The following SLC35E2B variants were observed in gnomAD, a reference collection of about 807,000 sequenced individuals.
SLC35E2B encodes the protein solute carrier family 35 member E2B, also known as solute carrier family 35, member E2B.
SLC35E2B carries 18 observed loss-of-function variants against 32.4 expected under a neutral mutation model. The observed-to-expected ratio is 0.56, with a 90% CI of 0.38 to 0.82. The LOEUF (loss-of-function observed/expected upper bound fraction) is 0.82, where lower values mean the gene tolerates loss of function less well. Among genes scored for constraint, SLC35E2B ranks in the 40% least tolerant of loss-of-function variants. The probability of loss-of-function intolerance (pLI) is 0.00; values close to 1 mark genes in which losing one functional copy is unlikely to be tolerated. For missense variants in SLC35E2B, 263 were observed against 469.5 expected (o/e 0.56, Z 4.06); for synonymous variants, 132 against 209.1 (o/e 0.63, Z 3.18).
At chr1:1,679,584 T>C (rs766911456) in intron 2 of SLC35E2B, among the ~76,000 whole-genome samples, 1 of 151,980 alleles carries the variant, frequency 6.6e-6, no homozygotes, top group Non-Finnish European at 1.5e-5. Context: ...CCCAGCACTT[T>C]GGGAGGCCAA....
At chr1:1,672,629 T>C (rs938261949) in intron 5 of SLC35E2B, 4 of 152,214 alleles carry the variant, frequency 2.6e-5, no homozygotes, top group Admixed American at 6.5e-5. Flanking sequence ...TGGGGTGCCA[T>C]AGACGCCTAT....
chr1:1,674,633 C>CAA (rs372723226), intron 5 of SLC35E2B, among the ~76,000 whole-genome samples: 5,351 of 126,572 alleles, frequency 0.042, 148 homozygotes, highest in Non-Finnish European at 0.06. Context: ...ATAAAAAAAA[C>CAA]AAAAAAAAAA....
chr1:1,671,699 T>C, intron 5 of SLC35E2B, 70 bp from the exon 6 acceptor site: 1 of 1,387,174 alleles, frequency 7.2e-7, no homozygotes, highest in Non-Finnish European at 9.5e-7. Context: ...GGCCAGGCTG[T>C]TTCCATCCCC....
At chr1:1,686,205 T>C (rs1643947907) in intron 2 of SLC35E2B, among the ~76,000 whole-genome samples, 1 of 152,040 alleles carries the variant, frequency 6.6e-6, no homozygotes, top group Admixed American at 6.5e-5. Context: ...GTTTTCACCA[T>C]GTTGGCCAGG....
Position 1,691,122 on chromosome 1 carries a change from CTG to C in SLC35E2B, c.-296_-295del, listed in dbSNP as rs1265701342. 1.9e-4 allele frequency: 16 copies of C among 83,362 alleles called. No individual in the cohort carries two copies. The highest frequency in any genetic ancestry group is 8.1e-4 in the African/African-American group (16 of 19,718). The allele number at this position is 83,362 out of a possible 1,614,324, so 5.2% of individuals were successfully genotyped here. On this transcript the variant is annotated 5_prime_UTR_variant, in exon 2 of 10. An upstream open reading frame in the 5' UTR loses its in-frame stop. Transcript: ENST00000617444. ...GCTGTGACCTCATCCGAAGGCTCAA[CTG>C]GGGCTGAGGCCCACCTCTGAGCTCA...
At chr1:1,688,663 G>A (rs887251015) in intron 2 of SLC35E2B, among the ~76,000 whole-genome samples, 3 of 151,308 alleles carry the variant, frequency 2.0e-5, no homozygotes, top group Admixed American at 6.6e-5. Context: ...GCCCTATGAG[G>A]CACATGTCAA....
At chr1:1,689,675 T>C (rs1184799548) in intron 2 of SLC35E2B, among the ~76,000 whole-genome samples, 3 of 151,428 alleles carry the variant, frequency 2.0e-5, no homozygotes, top group Non-Finnish European at 4.4e-5. Flanking sequence ...AAATGAAGAA[T>C]TCTGTTTCAC....
At chr1:1,690,027 A>T (rs1644000099) in intron 2 of SLC35E2B, among the ~76,000 whole-genome samples, 1 of 150,382 alleles carries the variant, frequency 6.6e-6, no homozygotes, top group South Asian at 2.1e-4. Context: ...CACGCCTGTA[A>T]TCCCAGCACT....
Position 1,665,650 on chromosome 1 carries a change from G to C in SLC35E2B, c.*132C>G, listed in dbSNP as rs533338391. 1.4e-6 allele frequency: 2 copies of C among 1,385,662 alleles called. No homozygotes were observed. Among genetic ancestry groups the C allele is most frequent in the African/African-American group, 2.9e-5 (2 of 68,602 alleles). The allele number at this position is 1,385,662 out of a possible 1,614,324, so 85.8% of individuals were successfully genotyped here. On this transcript the variant is annotated 3_prime_UTR_variant, in exon 10 of 10. Coordinates refer to ENST00000617444, the MANE Select transcript of SLC35E2B (RefSeq NM_001290264.2). ...CTGCTGGTCTTCACCGACAAACCGA[G>C]AAAGCCGCAGGCAATGGCCAACTTA...
At chr1:1,667,149 G>A (rs1458365288) in intron 9 of SLC35E2B, among the ~76,000 whole-genome samples, 1 of 110,896 alleles carries the variant, frequency 9.0e-6, no homozygotes, top group Non-Finnish European at 1.8e-5. Context: ...GCTCACGCCT[G>A]TAATCCCAGC....
At chr1:1,679,579 C>T (rs1643882069) in intron 2 of SLC35E2B, among the ~76,000 whole-genome samples, 1 of 152,078 alleles carries the variant, frequency 6.6e-6, no homozygotes, top group African/African-American at 2.4e-5. Context: ...GGAATCCCAG[C>T]ACTTTGGGAG....
At chr1:1,669,918 G>C in intron 7 of SLC35E2B, 180 bp downstream of exon 7, 1 of 851,048 alleles carries the variant, frequency 1.2e-6, no homozygotes, top group Non-Finnish European at 1.9e-6. Flanking sequence ...CTGGCTGAGG[G>C]GCTCAAGGGA....
chr1:1,662,939 A>C lies in SLC35E2B; in HGVS notation c.*2843T>G. On this transcript the variant is annotated 3_prime_UTR_variant, in exon 10 of 10. Coordinates refer to ENST00000617444, the MANE Select transcript of SLC35E2B (RefSeq NM_001290264.2). ...GTATTACACAAAGTTATTTTAAAAAATGTCTGTACAATCGTTAACACGGCC... is the reference window on the plus strand; with the variant it reads ...GTATTACACAAAGTTATTTTAAAAACTGTCTGTACAATCGTTAACACGGCC... 2.2e-6 allele frequency: 2 copies of C among 890,216 alleles called. No individual in the cohort carries two copies. The highest frequency in any genetic ancestry group is 1.8e-5 in the African/African-American group (1 of 56,896). 55.1% of individuals were successfully genotyped at this position (890,216 alleles called of 1,614,324 possible). A position where few individuals can be genotyped will look rare whatever the true frequency, so the allele number is the denominator to read the frequency against.
At chr1:1,673,452 G>A (rs550185426) in intron 5 of SLC35E2B, 3 of 286,504 alleles carry the variant, frequency 1.0e-5, no homozygotes, top group Admixed American at 4.2e-5. Flanking sequence ...GGCAGATCAC[G>A]AGGTCAGGAG....
At position 1,665,581 on chromosome 1, in the gene SLC35E2B, C is replaced by G. The variant is rs72634820; in HGVS notation, c.*201G>C. 178,963 of 784,888 alleles carry G rather than the reference C, an allele frequency of 0.23. 22,756 individuals are homozygous for G. Among genetic ancestry groups the G allele is most frequent in the Non-Finnish European group, 0.27 (134,489 of 505,708 alleles). 48.6% of individuals were successfully genotyped at this position (784,888 alleles called of 1,614,324 possible). A position where few individuals can be genotyped will look rare whatever the true frequency, so the allele number is the denominator to read the frequency against. On this transcript the variant is annotated 3_prime_UTR_variant, in exon 10 of 10. Coordinates refer to ENST00000617444, the MANE Select transcript of SLC35E2B (RefSeq NM_001290264.2). Reference sequence around the variant, plus strand: ...GGACACAGTCAGCTACTGGTCTGGTCTCTACTCCAGGAAGCTGATACCTGG... The same window carrying G: ...GGACACAGTCAGCTACTGGTCTGGTGTCTACTCCAGGAAGCTGATACCTGG...
Position 1,665,297 on chromosome 1 carries a change from C to T in SLC35E2B, c.*485G>A, listed in dbSNP as rs1258878677. ...AGCAGGAGACCCTTCCTTCCAGGGCCCTCTGTCCCCTCCCTTCGGCCCTGC... is the reference window on the plus strand; with the variant it reads ...AGCAGGAGACCCTTCCTTCCAGGGCTCTCTGTCCCCTCCCTTCGGCCCTGC... On this transcript the variant is annotated 3_prime_UTR_variant, in exon 10 of 10. Transcript: ENST00000617444. 2 of 318,992 alleles carry T rather than the reference C, an allele frequency of 6.3e-6. No individual in the cohort carries two copies. Among genetic ancestry groups the T allele is most frequent in the Non-Finnish European group, 1.1e-5 (2 of 175,394 alleles). The allele number at this position is 318,992 out of a possible 1,614,324, so 19.8% of individuals were successfully genotyped here. A position where few individuals can be genotyped will look rare whatever the true frequency, so the allele number is the denominator to read the frequency against.
rs769010476 is a variant in SLC35E2B at position 1,665,750 on chromosome 1, C to T, written c.*32G>A. ...CCCATTTCTGGGGGATGCAGTGTCA[C>T]GAGGACAGCAGCAGCTGGCAGCTTC... On this transcript the variant is annotated 3_prime_UTR_variant, in exon 10 of 10. Coordinates refer to ENST00000617444, the MANE Select transcript of SLC35E2B (RefSeq NM_001290264.2). The T allele has an allele frequency of 2.7e-5, 41 of 1,545,652 alleles. No homozygotes were observed. The highest frequency in any genetic ancestry group is 7.9e-5 in the Admixed American group (4 of 50,886).
chr1:1,674,702 G>A (rs1433695077), intron 5 of SLC35E2B, among the ~76,000 whole-genome samples: 5 of 127,964 alleles, frequency 3.9e-5, no homozygotes, highest in Non-Finnish European at 9.6e-5. Flanking sequence ...TCACCTAAAC[G>A]TGTGTGCGGG....
chr1:1,690,597 G>C (rs1396201070), intron 2 of SLC35E2B, among the ~76,000 whole-genome samples: 1 of 125,380 alleles, frequency 8.0e-6, no homozygotes, highest in East Asian at 2.3e-4. Context: ...AAATTAGCCA[G>C]GCGTGGTGGC....
Sources: gnomAD v4.1 joint callset for allele counts (sites outside exome capture counted in the v4.1 genomes callset) on GRCh38, gnomAD v4.1.1 for gene constraint, MANE v1.5 for transcripts, NCBI Gene and HGNC (gene_info 2026-07-23, HGNC 2026-07-21) for gene names.